The following OPCML variants were observed in gnomAD, a reference collection of about 807,000 sequenced individuals.
The protein encoded by OPCML is opioid binding protein/cell adhesion molecule like.
In OPCML, 13 loss-of-function variants were observed where a neutral mutation model predicts 37.8. That is an observed-to-expected ratio of 0.34 (90% CI 0.22 to 0.55). The LOEUF is 0.55. Ranked by LOEUF, OPCML falls within the 20% of genes least tolerant of loss-of-function variation. The pLI, the probability that OPCML is intolerant of heterozygous loss-of-function variation, is 0.91. For missense variants in OPCML, 341 were observed against 435.6 expected (o/e 0.78, Z 1.93); for synonymous variants, 176 against 168.8 (o/e 1.04, Z -0.33).
At chr11:133,351,984 A>C (rs1026635274) in intron 1 of OPCML, among the ~76,000 whole-genome samples, 1 of 151,972 alleles carries the variant, frequency 6.6e-6, no homozygotes, top group African/African-American at 2.4e-5. Context: ...ATTTCCTGCT[A>C]TTTTCATTGC....
intron 1 of OPCML, among the ~76,000 whole-genome samples, chr11:133,334,228 C>T (rs534820385): frequency 3.4e-4 from 52 of 152,084 alleles, no homozygotes; most frequent in Admixed American, 1.0e-3. Flanking sequence ...ACAGCAAAGA[C>T]GTGGAATCAA....
chr11:133,372,966 G>T (rs537825390), intron 1 of OPCML, among the ~76,000 whole-genome samples: 1 of 152,216 alleles, frequency 6.6e-6, no homozygotes, highest in Non-Finnish European at 1.5e-5. Context: ...ATTCCTGGTT[G>T]TTGTTTTTCT....
At chr11:132,937,867 T>A (rs1362119586) in intron 2 of OPCML, among the ~76,000 whole-genome samples, 5 of 151,846 alleles carry the variant, frequency 3.3e-5, no homozygotes, top group African/African-American at 1.2e-4. Context: ...TAAAAAGCAC[T>A]AGTACTACTG....
intron 3 of OPCML, among the ~76,000 whole-genome samples, chr11:132,554,919 G>C (rs12801705): frequency 3.7e-5 from 4 of 108,976 alleles, no homozygotes; most frequent in Non-Finnish European, 5.0e-5. Context: ...GATAGACCTA[G>C]ATCTGAGACG....
At chr11:132,949,767 T>G (rs915928666) in intron 1 of OPCML, among the ~76,000 whole-genome samples, 3 of 152,216 alleles carry the variant, frequency 2.0e-5, no homozygotes, top group Non-Finnish European at 2.9e-5. Flanking sequence ...GAAGATGCAG[T>G]CATTAATGAG....
At chr11:132,557,246 A>G (rs557723341) in intron 3 of OPCML, among the ~76,000 whole-genome samples, 2 of 152,292 alleles carry the variant, frequency 1.3e-5, no homozygotes, top group African/African-American at 4.8e-5. Flanking sequence ...TAGATTCTGT[A>G]CCCAGAGCCG....
chr11:133,323,497 C>CA (rs1159409598), intron 1 of OPCML, among the ~76,000 whole-genome samples: 1 of 152,170 alleles, frequency 6.6e-6, no homozygotes, highest in East Asian at 1.9e-4. Context: ...AGAAAAGCAG[C>CA]TGTCCTGACC....
At chr11:132,452,496 CACTT>C (rs1256326239) in intron 4 of OPCML, among the ~76,000 whole-genome samples, 1 of 117,238 alleles carries the variant, frequency 8.5e-6, no homozygotes, top group Non-Finnish European at 1.6e-5. Context: ...CTCCCTTCCT[CACTT>C]CCTTCCTTCC....
chr11:132,766,601 C>T (rs1946453265), intron 2 of OPCML, among the ~76,000 whole-genome samples: 1 of 152,138 alleles, frequency 6.6e-6, no homozygotes, highest in Non-Finnish European at 1.5e-5. Flanking sequence ...CATCAATTGT[C>T]CACCCTCATG....
chr11:132,568,629 G>A (rs540282802), intron 3 of OPCML, among the ~76,000 whole-genome samples: 60 of 152,288 alleles, frequency 3.9e-4, no homozygotes, highest in Non-Finnish European at 8.1e-4. Flanking sequence ...CGCAGCCGCA[G>A]AAACTGGGAA....
chr11:133,274,020 A>G (rs1396821129), intron 1 of OPCML, among the ~76,000 whole-genome samples: 1 of 152,236 alleles, frequency 6.6e-6, no homozygotes, highest in Non-Finnish European at 1.5e-5. Context: ...ATATTTGCAC[A>G]CATACATATA....
intron 2 of OPCML, among the ~76,000 whole-genome samples, chr11:132,820,084 AAT>A (rs555065698): frequency 0.26 from 38,844 of 151,966 alleles, 5,754 homozygotes; most frequent in East Asian, 0.56. Context: ...TGAATGAATG[AAT>A]GAATGAATGA....
At chr11:132,760,633 T>G (rs1339226609) in intron 2 of OPCML, among the ~76,000 whole-genome samples, 2 of 152,056 alleles carry the variant, frequency 1.3e-5, no homozygotes, top group African/African-American at 4.8e-5. Context: ...ATTTGCTTTT[T>G]TTTTTCTTTT....
At chr11:132,949,404 G>A (rs143807455) in intron 1 of OPCML, among the ~76,000 whole-genome samples, 9 of 152,252 alleles carry the variant, frequency 5.9e-5, no homozygotes, top group East Asian at 1.9e-4. Flanking sequence ...CCACAATTAC[G>A]GAGAAAGACA....
chr11:133,098,930 TCAA>T (rs1162975402), intron 1 of OPCML, among the ~76,000 whole-genome samples: 4 of 152,064 alleles, frequency 2.6e-5, no homozygotes, highest in South Asian at 2.1e-4. Flanking sequence ...TACAGAAGAA[TCAA>T]CAACAACAAA....
chr11:133,104,454 A>C (rs549555313), intron 1 of OPCML, among the ~76,000 whole-genome samples: 1 of 152,354 alleles, frequency 6.6e-6, no homozygotes, highest in South Asian at 2.1e-4. Context: ...ACATTTTTAT[A>C]AAACAAGTTA....
chr11:132,478,538 T>C (rs994995179), intron 4 of OPCML, among the ~76,000 whole-genome samples: 1 of 152,106 alleles, frequency 6.6e-6, no homozygotes, highest in Non-Finnish European at 1.5e-5. Context: ...TAAGCAAAAA[T>C]CTAACAGCAA....
intron 2 of OPCML, among the ~76,000 whole-genome samples, chr11:132,758,287 C>T (rs1218899114): frequency 1.3e-5 from 2 of 152,050 alleles, no homozygotes; most frequent in African/African-American, 4.8e-5. Context: ...GGCTGTACGG[C>T]CTCTTCTTTG....
rs536470166 is a variant in OPCML at position 132,663,257 on chromosome 11, A to G, written c.147-5938T>C. 5.3e-5 allele frequency among the ~76,000 whole-genome samples: 8 copies of G among 152,350 alleles called. No homozygotes were observed. The South Asian group carries it at 1.7e-3, about 32-fold the overall frequency. On this transcript the variant is annotated intron_variant, in intron 2 of 7. Coordinates refer to ENST00000524381, the MANE Select transcript of OPCML (RefSeq NM_001012393.5). ...TCTACCCAGGAGCTAGTAGGTCATC[A>G]ATACATATTTATAGTGATAAAAGGT...
Sources: gnomAD v4.1 joint callset for allele counts (sites outside exome capture counted in the v4.1 genomes callset) on GRCh38, gnomAD v4.1.1 for gene constraint, MANE v1.5 for transcripts, NCBI Gene and HGNC (gene_info 2026-07-23, HGNC 2026-07-21) for gene names.